Variants in BTBD10 observed in about 807,000 individuals in gnomAD.
BTBD10 encodes the protein BTB domain containing 10, also known as BTB/POZ domain-containing protein 10.
In BTBD10, 21 loss-of-function variants were observed where a neutral mutation model predicts 53.2. The ratio of observed to expected loss-of-function variants is 0.39; its 90% confidence interval spans 0.28 to 0.57. The LOEUF is 0.57. Among genes scored for constraint, BTBD10 ranks in the 20% least tolerant of loss-of-function variants. The pLI, the probability that BTBD10 is intolerant of heterozygous loss-of-function variation, is 0.53. For missense variants in BTBD10, 360 were observed against 594.7 expected (o/e 0.61, Z 4.10); for synonymous variants, 149 against 192.7 (o/e 0.77, Z 1.88).
chr11:13,406,208 A>G (rs1460544785), intron 6 of BTBD10, among the ~76,000 whole-genome samples: 1 of 152,070 alleles, frequency 6.6e-6, no homozygotes, highest in African/African-American at 2.4e-5. Flanking sequence ...AACAGAATTA[A>G]TATTTCAGTG....
chr11:13,445,196 A>AG lies in BTBD10; in HGVS notation c.-57-16dup. 9.9e-7 allele frequency: 1 copy of AG among 1,011,626 alleles called. No homozygotes were observed. Among genetic ancestry groups the AG allele is most frequent in the South Asian group, 1.4e-5 (1 of 72,006 alleles). 62.7% of individuals were successfully genotyped at this position (1,011,626 alleles called of 1,614,324 possible). A position where few individuals can be genotyped will look rare whatever the true frequency, so the allele number is the denominator to read the frequency against. ...GCACCCATAACCTACATAAAAGAGCAGTGTTGACCTTTAAATCTATTCCAC... is the reference window on the plus strand; with the variant it reads ...GCACCCATAACCTACATAAAAGAGCAGGTGTTGACCTTTAAATCTATTCCAC... On this transcript the variant is annotated splice_polypyrimidine_tract_variant and intron_variant, in intron 1 of 8. Transcript: ENST00000278174.
chr11:13,400,493 C>T (rs1198823561), intron 8 of BTBD10, among the ~76,000 whole-genome samples: 2 of 152,228 alleles, frequency 1.3e-5, no homozygotes, highest in Non-Finnish European at 2.9e-5. Flanking sequence ...CCTTGTGCTT[C>T]CCAGGTGAGG....
chr11:13,405,381 T>C (rs1949800274), intron 7 of BTBD10: 2 of 251,852 alleles, frequency 7.9e-6, no homozygotes, highest in Admixed American at 1.1e-4. Context: ...AACAAATAAC[T>C]AACCATGTGT....
chr11:13,457,541 C>T (rs1392051910), intron 1 of BTBD10, among the ~76,000 whole-genome samples: 1 of 152,062 alleles, frequency 6.6e-6, no homozygotes, highest in African/African-American at 2.4e-5. Flanking sequence ...AAAGGGTAAA[C>T]TTAAAAATAT....
chr11:13,407,866 C>A (rs1165383311), intron 6 of BTBD10, among the ~76,000 whole-genome samples: 3 of 152,212 alleles, frequency 2.0e-5, no homozygotes, highest in Non-Finnish European at 4.4e-5. Context: ...TCTTCAAATG[C>A]TTCCTTTCTG....
chr11:13,397,009 G>A (rs547521207), intron 8 of BTBD10, among the ~76,000 whole-genome samples: 2 of 152,058 alleles, frequency 1.3e-5, no homozygotes, highest in African/African-American at 2.4e-5. Flanking sequence ...TCTCTTTTCT[G>A]GTTGTGTCTC....
intron 8 of BTBD10, among the ~76,000 whole-genome samples, chr11:13,395,578 A>G (rs1420315523): frequency 1.3e-5 from 2 of 152,092 alleles, no homozygotes; most frequent in African/African-American, 2.4e-5. Flanking sequence ...TTTTGTTGCC[A>G]TTGCTTTTGG....
chr11:13,404,756 A>C (rs773548012), intron 7 of BTBD10: 1 of 240,878 alleles, frequency 4.2e-6, no homozygotes, highest in Non-Finnish European at 6.7e-6. Context: ...CTCAATGCAA[A>C]CTCTGTAAAG....
chr11:13,429,128 C>T (rs1055553369), intron 2 of BTBD10, among the ~76,000 whole-genome samples: 21 of 151,532 alleles, frequency 1.4e-4, no homozygotes, highest in African/African-American at 4.4e-4. Flanking sequence ...ATGTGAAAAA[C>T]TCACACATTG....
chr11:13,389,334 T>C (rs1222888395), intron 8 of BTBD10, among the ~76,000 whole-genome samples, 193 bp from the exon 9 acceptor site: 1 of 151,382 alleles, frequency 6.6e-6, no homozygotes, highest in Non-Finnish European at 1.5e-5. Context: ...ATTCATAAAA[T>C]CTTCTATCAT....
intron 2 of BTBD10, among the ~76,000 whole-genome samples, chr11:13,435,218 A>T (rs1386422220): frequency 6.6e-6 from 1 of 152,086 alleles, no homozygotes; most frequent in African/African-American, 2.4e-5. Flanking sequence ...AATTGTTCAA[A>T]GCTAAATTAA....
rs754035536 is a variant in BTBD10 at position 13,419,684 on chromosome 11, T to G, written c.360A>C (p.Pro120=). 1.4e-4 allele frequency: 227 copies of G among 1,613,750 alleles called. 1 individual carries two copies. The Middle Eastern group carries it at 2.6e-3, about 19-fold the overall frequency. ...TCCCAGCACTGCTAATGGAACCATT[T>G]GGGGATGCTTTTTGAGGACGCGGAC... ...PSSPRPQKAS[P]NGSISSAGNS... The change falls in exon 4 of 9, where the codon CCA becomes CCC. Residue 120 remains proline (P), a synonymous_variant. Coordinates refer to ENST00000278174, the MANE Select transcript of BTBD10 (RefSeq NM_032320.7).
chr11:13,425,662 C>T (rs1950323313), intron 2 of BTBD10, among the ~76,000 whole-genome samples: 1 of 151,860 alleles, frequency 6.6e-6, no homozygotes, highest in African/African-American at 2.4e-5. Flanking sequence ...TACTAAATGG[C>T]CCTTTAAAAT....
intron 2 of BTBD10, among the ~76,000 whole-genome samples, chr11:13,442,281 T>G (rs965343508): frequency 2.6e-5 from 4 of 152,100 alleles, no homozygotes; most frequent in African/African-American, 9.7e-5. Flanking sequence ...CAGCCATGAG[T>G]TGGTAACTTC....
chr11:13,461,224 A>C (rs973151637), intron 1 of BTBD10, among the ~76,000 whole-genome samples: 1 of 152,148 alleles, frequency 6.6e-6, no homozygotes, highest in Non-Finnish European at 1.5e-5. Context: ...ACAACTATGG[A>C]CAGGTTTGGA....
At chr11:13,421,955 A>G (rs183959771) in intron 2 of BTBD10, 117 bp from the exon 3 acceptor site, 1 of 776,466 alleles carries the variant, frequency 1.3e-6, no homozygotes, top group East Asian at 2.9e-5. Context: ...ATCAAATGCT[A>G]CTTTCTAATT....
chr11:13,390,018 T>C (rs1355971293), intron 8 of BTBD10, among the ~76,000 whole-genome samples: 1 of 152,308 alleles, frequency 6.6e-6, no homozygotes, highest in Middle Eastern at 3.4e-3. Flanking sequence ...CGTTCCCTGA[T>C]TAATAGTACC....
At chr11:13,400,756 T>A (rs906323811) in intron 8 of BTBD10, among the ~76,000 whole-genome samples, 4 of 152,240 alleles carry the variant, frequency 2.6e-5, no homozygotes, top group African/African-American at 9.6e-5. Context: ...GCCTTTAATC[T>A]AACTTACAGT....
intron 8 of BTBD10, among the ~76,000 whole-genome samples, chr11:13,393,907 A>G (rs1034977016): frequency 6.6e-6 from 1 of 152,336 alleles, no homozygotes; most frequent in Non-Finnish European, 1.5e-5. Flanking sequence ...TTTAAGCTTT[A>G]GCTTCTTTCT....
Sources: allele counts gnomAD v4.1 joint callset (sites outside exome capture counted in the v4.1 genomes callset), GRCh38; gene constraint gnomAD v4.1.1; transcripts MANE v1.5; gene names NCBI Gene and HGNC (gene_info 2026-07-23, HGNC 2026-07-21).